KCNIP3: variants seen among roughly 807,000 people sequenced by gnomAD.
The protein encoded by KCNIP3 is calsenilin.
In KCNIP3, 28 loss-of-function variants were observed where a neutral mutation model predicts 35.0. That is an observed-to-expected ratio of 0.80 (90% CI 0.59 to 1.10). The LOEUF is 1.10. Ranked by LOEUF, KCNIP3 falls within the 50% of genes least tolerant of loss-of-function variation. KCNIP3 has a pLI of 0.00. For missense variants in KCNIP3, 295 were observed against 338.4 expected, an observed-to-expected ratio of 0.87 and a Z score of 1.01; for synonymous variants, 134 against 133.8, an observed-to-expected ratio of 1.00 and a Z score of -0.01.
chr2:95,343,002 C>T (rs763425872), intron 2 of KCNIP3, among the ~76,000 whole-genome samples: 56 of 152,076 alleles, frequency 3.7e-4, no homozygotes, highest in Non-Finnish European at 6.6e-4. Context: ...TTGAGATGAT[C>T]ATGCTGGTTG....
At chr2:95,334,366 G>A (rs1355646910) in intron 2 of KCNIP3, among the ~76,000 whole-genome samples, 2 of 150,250 alleles carry the variant, frequency 1.3e-5, no homozygotes, top group Non-Finnish European at 2.9e-5. Context: ...TGCAGGGTGG[G>A]CAGGGGTTAA....
At chr2:95,344,471 G>A (rs1488944333) in intron 2 of KCNIP3, among the ~76,000 whole-genome samples, 3 of 152,242 alleles carry the variant, frequency 2.0e-5, no homozygotes, top group East Asian at 1.9e-4. Flanking sequence ...CTCAGGCCTC[G>A]TATCCACTTA....
In KCNIP3 at chr2:95,381,693, T is replaced by A. The variant is rs1336582338; in HGVS notation, c.545T>A (p.Ile182Asn). 1.9e-6 allele frequency: 3 copies of A among 1,611,752 alleles called. No individual in the cohort carries two copies. In the African/African-American group the frequency reaches 4.0e-5, roughly 22 times the overall value. Residue 182 changes from isoleucine (I) to asparagine (N), a missense_variant, in exon 6 of 9, where the codon ATC (isoleucine) becomes AAC (asparagine). Transcript: ENST00000295225. ...TACGACATTAACAAGGATGGCTACA[T>A]CACCAAAGAGGTAGTAGGGGGCTGG... ...NLYDINKDGY[I>N]TKEEMLAIMK...
chr2:95,317,615 A>C (rs1420258905), intron 2 of KCNIP3, among the ~76,000 whole-genome samples: 1 of 152,180 alleles, frequency 6.6e-6, no homozygotes, highest in South Asian at 2.1e-4. Flanking sequence ...CAGAGCGCCC[A>C]AGACACTGGG....
intron 1 of KCNIP3, among the ~76,000 whole-genome samples, chr2:95,307,388 T>C (rs1678204181): frequency 6.6e-6 from 1 of 152,222 alleles, no homozygotes; most frequent in Non-Finnish European, 1.5e-5. Context: ...AAGCCTGTGG[T>C]CAAGCCCATG....
At chr2:95,344,484 C>T (rs58338958) in intron 2 of KCNIP3, among the ~76,000 whole-genome samples, 3,903 of 152,286 alleles carry the variant, frequency 0.026, 178 homozygotes, top group African/African-American at 0.089. Context: ...TCCACTTAGG[C>T]GTTGTTAATA....
chr2:95,323,259 G>A (rs1442134949), intron 2 of KCNIP3, among the ~76,000 whole-genome samples: 1 of 152,226 alleles, frequency 6.6e-6, no homozygotes, highest in Non-Finnish European at 1.5e-5. Context: ...AGTATGCTGG[G>A]CATGTGGGGC....
intron 2 of KCNIP3, among the ~76,000 whole-genome samples, chr2:95,354,066 C>T (rs1041635175): frequency 6.6e-6 from 1 of 152,202 alleles, no homozygotes; most frequent in African/African-American, 2.4e-5. Flanking sequence ...TGCCACTTCA[C>T]GTGGACAAGT....
intron 1 of KCNIP3, among the ~76,000 whole-genome samples, chr2:95,304,706 C>T (rs1312633915): frequency 6.6e-6 from 1 of 152,146 alleles, no homozygotes; most frequent in Non-Finnish European, 1.5e-5. Context: ...TAAGGAACCT[C>T]AAAAAGTTGG....
chr2:95,308,074 A>G (rs1381602401), intron 1 of KCNIP3, among the ~76,000 whole-genome samples: 1 of 152,078 alleles, frequency 6.6e-6, no homozygotes, highest in Non-Finnish European at 1.5e-5. Flanking sequence ...TTGTGTGTGC[A>G]TATGAACATG....
intron 2 of KCNIP3, among the ~76,000 whole-genome samples, chr2:95,370,599 G>T (rs1444916636): frequency 6.6e-6 from 1 of 152,124 alleles, no homozygotes; most frequent in Non-Finnish European, 1.5e-5. Flanking sequence ...TTACAAAATC[G>T]AGTTATTAGT....
rs573357560 is a variant in KCNIP3 at position 95,325,961 on chromosome 2, ACT to A, written c.181+15443_181+15444del. ...CACATACACACTCACACATACACAC[ACT>A]CATAGGCACACATACACTCCTACAC... On this transcript the variant is annotated intron_variant, in intron 2 of 8. Coordinates refer to ENST00000295225, the MANE Select transcript of KCNIP3 (RefSeq NM_013434.5). Among the ~76,000 whole-genome samples the A allele has an allele frequency of 5.9e-5, 9 of 151,572 alleles. No homozygotes were observed. In the East Asian group the frequency reaches 1.2e-3, roughly 20 times the overall value.
rs1448792632 is a variant in KCNIP3 at position 95,334,380 on chromosome 2, ATGCTTC to A, written c.181+23861_181+23866del. 6.6e-3 allele frequency among the ~76,000 whole-genome samples: 1,011 copies of A among 152,332 alleles called. 17 individuals are homozygous for A. Among genetic ancestry groups the A allele is most frequent in the African/African-American group, 0.023 (942 of 41,572 alleles). On this transcript the variant is annotated intron_variant, in intron 2 of 8. Transcript: ENST00000295225. The stretch of plus-strand genomic sequence containing the variant: ...ATGCAGGGTGGGCAGGGGTTAAGGA[ATGCTTC>A]CCCACTTTGGGGATGAAGGAAACTG...
At chr2:95,298,289 G>T (rs1470484471) in intron 1 of KCNIP3, among the ~76,000 whole-genome samples, 1 of 152,176 alleles carries the variant, frequency 6.6e-6, no homozygotes, top group African/African-American at 2.4e-5. Flanking sequence ...GGTTAGCGGG[G>T]TTTCTCTCTC....
chr2:95,358,257 C>A (rs745883128), intron 2 of KCNIP3, among the ~76,000 whole-genome samples: 1 of 152,208 alleles, frequency 6.6e-6, no homozygotes, highest in East Asian at 1.9e-4. Flanking sequence ...CATGGGGTGG[C>A]GAAAAAGTGC....
intron 2 of KCNIP3, among the ~76,000 whole-genome samples, chr2:95,353,802 C>T (rs536717103): frequency 2.1e-4 from 32 of 152,270 alleles, no homozygotes; most frequent in African/African-American, 7.2e-4. Context: ...TCTCTTAGCT[C>T]GGCTCAGATT....
intron 2 of KCNIP3, among the ~76,000 whole-genome samples, chr2:95,329,858 C>A (rs1458892103): frequency 6.6e-6 from 1 of 152,236 alleles, no homozygotes; most frequent in Non-Finnish European, 1.5e-5. Context: ...ACAGCTCTTC[C>A]CTGCGCGTCT....
rs1680371633 is a variant in KCNIP3 at position 95,382,405 on chromosome 2, A to G, written c.584A>G (p.Tyr195Cys). Reference protein sequence around the residue: ...EEMLAIMKSIYDMMGRHTYPI... With the variant: ...EEMLAIMKSICDMMGRHTYPI... Reference sequence around the variant, plus strand: ...ATGCTGGCCATCATGAAGTCCATCTATGACATGATGGGCCGCCACACCTAC... The same window carrying G: ...ATGCTGGCCATCATGAAGTCCATCTGTGACATGATGGGCCGCCACACCTAC... The change falls in exon 7 of 9, where the codon TAT (tyrosine) becomes TGT (cysteine). Residue 195 changes from tyrosine to cysteine, a missense_variant. Tyr to Cys is a radical substitution (Grantham distance 194). Coordinates refer to ENST00000295225, the MANE Select transcript of KCNIP3 (RefSeq NM_013434.5). This position sits in a 1 kb window ranked among gnomAD's most constrained non-coding sequence, Gnocchi z 4.5. 2 of 1,606,010 alleles carry G rather than the reference A, an allele frequency of 1.2e-6. No homozygotes were observed. The highest frequency in any genetic ancestry group is 1.1e-5 in the South Asian group (1 of 90,242).
chr2:95,321,417 C>T (rs1044493835), intron 2 of KCNIP3, among the ~76,000 whole-genome samples: 8 of 152,186 alleles, frequency 5.3e-5, no homozygotes, highest in African/African-American at 1.9e-4. Context: ...GATGGAGCCC[C>T]AGAGACAAGT....
Sources: gnomAD v4.1 joint callset for allele counts (sites outside exome capture counted in the v4.1 genomes callset) on GRCh38, gnomAD v4.1.1 for gene constraint, Gnocchi (gnomAD v3.1) non-coding constraint, MANE v1.5 for transcripts, NCBI Gene and HGNC (gene_info 2026-07-23, HGNC 2026-07-21) for gene names.